Variants in PAK5 observed in about 807,000 individuals in gnomAD.
PAK5 encodes serine/threonine-protein kinase PAK 5.
A neutral mutation model predicts 65.9 loss-of-function variants in PAK5; 16 were observed. The ratio of observed to expected loss-of-function variants is 0.24; its 90% CI spans 0.16 to 0.37. The LOEUF (loss-of-function observed/expected upper bound fraction) is 0.37, where lower values mean the gene tolerates loss of function less well. PAK5 is among the 10% of genes least tolerant of loss of function. The pLI is 1.00. For synonymous variants in PAK5, 371 were observed against 354.9 expected (o/e 1.05, Z -0.51); for missense variants, 785 against 903.9 (o/e 0.87, Z 1.69).
chr20:9,722,795 G>A (rs561468594), intron 1 of PAK5, among the ~76,000 whole-genome samples: 57 of 151,164 alleles, frequency 3.8e-4, no homozygotes, highest in Non-Finnish European at 6.6e-4. Flanking sequence ...GGAGTGCAGC[G>A]GCGCCATCTC....
chr20:9,557,960 T>A (rs540495201), intron 6 of PAK5, among the ~76,000 whole-genome samples: 1 of 152,194 alleles, frequency 6.6e-6, no homozygotes, highest in Non-Finnish European at 1.5e-5. Flanking sequence ...AAGAGATCAC[T>A]ATTTGTCAGC....
intron 3 of PAK5, among the ~76,000 whole-genome samples, chr20:9,613,691 G>A (rs957627651): frequency 1.9e-4 from 29 of 152,084 alleles, no homozygotes; most frequent in Admixed American, 8.5e-4. Flanking sequence ...TTTTTTTGCA[G>A]AGCCTAATGG....
chr20:9,781,235 T>C (rs1569085491), intron 1 of PAK5, among the ~76,000 whole-genome samples: 1 of 152,184 alleles, frequency 6.6e-6, no homozygotes, highest in African/African-American at 2.4e-5. Flanking sequence ...GAGAAAGGTA[T>C]GCATAATTGT....
chr20:9,746,233 T>A (rs2048506478), intron 1 of PAK5, among the ~76,000 whole-genome samples: 1 of 152,090 alleles, frequency 6.6e-6, no homozygotes, highest in Non-Finnish European at 1.5e-5. Flanking sequence ...GACACCTGTC[T>A]CTTAAGGCGC....
intron 1 of PAK5, among the ~76,000 whole-genome samples, chr20:9,730,673 G>A (rs887477023): frequency 6.6e-6 from 1 of 152,182 alleles, no homozygotes; most frequent in South Asian, 2.1e-4. Context: ...ATGTCATGCT[G>A]ACTCCTGTGG....
At chr20:9,684,327 G>A (rs6086983) in intron 2 of PAK5, among the ~76,000 whole-genome samples, 2,174 of 152,298 alleles carry the variant, frequency 0.014, 25 homozygotes, top group Non-Finnish European at 0.021. Context: ...CTGGACTGGA[G>A]TATGAAGAAG....
intron 1 of PAK5, among the ~76,000 whole-genome samples, chr20:9,796,451 G>C (rs969114265): frequency 1.3e-5 from 2 of 152,104 alleles, no homozygotes; most frequent in Non-Finnish European, 2.9e-5. Flanking sequence ...GGAAGACATG[G>C]GACATGGCTA....
intron 2 of PAK5, among the ~76,000 whole-genome samples, chr20:9,695,073 G>A (rs2047850343): frequency 6.6e-6 from 1 of 151,936 alleles, no homozygotes. Flanking sequence ...TTTCATGATT[G>A]TCATTCTGGT....
Position 9,796,585 on chromosome 20 carries a change from A to G in PAK5, c.-162+42177T>C, listed in dbSNP as rs2049107326. Among the ~76,000 whole-genome samples the G allele has an allele frequency of 2.0e-5, 3 of 152,226 alleles. No individual in the cohort carries two copies. The South Asian group carries it at 6.2e-4, about 32-fold the overall frequency. On this transcript the variant is annotated intron_variant, in intron 1 of 9. Coordinates refer to ENST00000353224, the MANE Select transcript of PAK5 (RefSeq NM_177990.4). ...AGTAGGAAATTACTAAGTGAAGGTGACCATCAGATTTGCATTTTTGAACGA... is the reference window on the plus strand; with the variant it reads ...AGTAGGAAATTACTAAGTGAAGGTGGCCATCAGATTTGCATTTTTGAACGA...
chr20:9,596,148 TC>T (rs1484465957), intron 3 of PAK5, among the ~76,000 whole-genome samples: 1 of 152,212 alleles, frequency 6.6e-6, no homozygotes, highest in Non-Finnish European at 1.5e-5. Flanking sequence ...GTCTTTAATT[TC>T]CTCCCTTATG....
chr20:9,568,250 AG>A (rs2045716870), intron 4 of PAK5, among the ~76,000 whole-genome samples: 1 of 152,216 alleles, frequency 6.6e-6, no homozygotes, highest in South Asian at 2.1e-4. Context: ...GGATGCCAGC[AG>A]CTTATCACAG....
intron 3 of PAK5, among the ~76,000 whole-genome samples, chr20:9,627,257 C>T (rs1020863705): frequency 1.1e-4 from 17 of 152,200 alleles, no homozygotes; most frequent in African/African-American, 3.4e-4. Context: ...AAGCTATTTC[C>T]TCATGCACCT....
At chr20:9,623,731 G>A (rs147640847) in intron 3 of PAK5, among the ~76,000 whole-genome samples, 4 of 152,230 alleles carry the variant, frequency 2.6e-5, no homozygotes, top group East Asian at 1.9e-4. Context: ...AAGAATTCTC[G>A]CAAAACAACA....
chr20:9,788,586 T>A (rs961252506), intron 1 of PAK5, among the ~76,000 whole-genome samples: 1 of 78,636 alleles, frequency 1.3e-5, no homozygotes, highest in Non-Finnish European at 2.8e-5. Context: ...ATACACCTGG[T>A]TATCACCTTG....
chr20:9,646,401 C>T (rs983640128), intron 2 of PAK5, among the ~76,000 whole-genome samples: 21 of 152,182 alleles, frequency 1.4e-4, no homozygotes, highest in South Asian at 6.2e-4. Context: ...GTAATGAAAA[C>T]GGATGAAAGA....
intron 1 of PAK5, among the ~76,000 whole-genome samples, chr20:9,723,980 G>A (rs988699675): frequency 6.6e-6 from 1 of 152,116 alleles, no homozygotes; most frequent in African/African-American, 2.4e-5. Context: ...CCAAATATGA[G>A]TAATGCAATA....
At chr20:9,595,203 A>C (rs1568987240) in intron 3 of PAK5, among the ~76,000 whole-genome samples, 1 of 152,098 alleles carries the variant, frequency 6.6e-6, no homozygotes, top group Non-Finnish European at 1.5e-5. Flanking sequence ...CTTTCATTTA[A>C]TAGAAAAAGA....
chr20:9,801,473 GTA>G (rs781202195), intron 1 of PAK5, among the ~76,000 whole-genome samples: 1 of 149,904 alleles, frequency 6.7e-6, no homozygotes, highest in South Asian at 2.1e-4. Context: ...TGTGAGACTT[GTA>G]TATATATATA....
At chr20:9,710,820 C>T (rs928808498) in intron 2 of PAK5, among the ~76,000 whole-genome samples, 44 of 152,176 alleles carry the variant, frequency 2.9e-4, no homozygotes, top group Admixed American at 1.1e-3. Flanking sequence ...TTCTCCAAAG[C>T]CCCTCTCTTA....
Sources: allele counts gnomAD v4.1 joint callset (sites outside exome capture counted in the v4.1 genomes callset), GRCh38; gene constraint gnomAD v4.1.1; transcripts MANE v1.5; gene names NCBI Gene and HGNC (gene_info 2026-07-23, HGNC 2026-07-21).